AGBL1: variants seen among roughly 807,000 people sequenced by gnomAD.
The protein encoded by AGBL1 is AGBL carboxypeptidase 1.
Under a neutral mutation model 118.9 loss-of-function variants are expected in AGBL1, and 130 were observed. That is an observed-to-expected ratio of 1.09 (90% CI 0.95 to 1.26). The LOEUF (loss-of-function observed/expected upper bound fraction) is 1.26. Among genes scored for constraint, AGBL1 ranks in the 50% most tolerant of loss-of-function variants. The pLI is 0.00. For missense variants in AGBL1, 1,584 were observed against 1,298.1 expected (o/e 1.22, Z -3.38); for synonymous variants, 555 against 478.9 (o/e 1.16, Z -2.08).
chr15:86,967,758 A>G (rs139891032), intron 23 of AGBL1, among the ~76,000 whole-genome samples: 6,381 of 152,100 alleles, frequency 0.042, 165 homozygotes, highest in Middle Eastern at 0.071. Context: ...GTTACGTAGC[A>G]TGATGCCTCC....
intron 22 of AGBL1, among the ~76,000 whole-genome samples, chr15:86,776,407 G>A (rs577663945): frequency 1.3e-5 from 2 of 152,132 alleles, no homozygotes; most frequent in South Asian, 4.2e-4. Context: ...GATTAGTGAG[G>A]TTGAGCTCAA....
At chr15:86,852,055 G>A (rs986507487) in intron 22 of AGBL1, among the ~76,000 whole-genome samples, 2 of 152,126 alleles carry the variant, frequency 1.3e-5, no homozygotes, top group Non-Finnish European at 2.9e-5. Context: ...GATGGTCCAT[G>A]TATTCATCCG....
At chr15:86,177,424 A>T (rs2077496210) in intron 5 of AGBL1, among the ~76,000 whole-genome samples, 1 of 152,218 alleles carries the variant, frequency 6.6e-6, no homozygotes, top group South Asian at 2.1e-4. Flanking sequence ...AGATGATTTA[A>T]ATAACACTAT....
intron 17 of AGBL1, among the ~76,000 whole-genome samples, chr15:86,323,416 GA>G (rs5814236): frequency 0.63 from 94,921 of 149,756 alleles, 30,622 homozygotes; most frequent in African/African-American, 0.76. Flanking sequence ...GTCATATTTT[GA>G]AAAAAAAAAA....
At chr15:86,219,043 A>C (rs531338719) in intron 5 of AGBL1, among the ~76,000 whole-genome samples, 3 of 152,356 alleles carry the variant, frequency 2.0e-5, no homozygotes, top group Non-Finnish European at 4.4e-5. Context: ...TATGGGTGGC[A>C]TTGCTATATC....
intron 22 of AGBL1, among the ~76,000 whole-genome samples, chr15:86,796,331 C>T (rs1428827781): frequency 6.6e-6 from 1 of 152,168 alleles, no homozygotes; most frequent in African/African-American, 2.4e-5. Flanking sequence ...TCATTTCTGT[C>T]ACAAAGGATT....
chr15:86,966,627 C>T (rs1328299319), intron 23 of AGBL1, among the ~76,000 whole-genome samples: 1 of 152,090 alleles, frequency 6.6e-6, no homozygotes, highest in Non-Finnish European at 1.5e-5. Flanking sequence ...TTTCCAGCTT[C>T]ATCCATGTCC....
intron 22 of AGBL1, among the ~76,000 whole-genome samples, chr15:86,813,379 T>C (rs1288674589): frequency 6.6e-6 from 1 of 152,208 alleles, no homozygotes; most frequent in African/African-American, 2.4e-5. Context: ...AGAAATATTC[T>C]TAATAACATT....
At chr15:86,739,705 A>G (rs982742710) in intron 22 of AGBL1, among the ~76,000 whole-genome samples, 10 of 152,174 alleles carry the variant, frequency 6.6e-5, no homozygotes, top group Non-Finnish European at 1.3e-4. Flanking sequence ...AGGAAATGGC[A>G]GCAACTATCA....
At chr15:86,250,130 C>A (rs191582266) in intron 7 of AGBL1, among the ~76,000 whole-genome samples, 1 of 152,252 alleles carries the variant, frequency 6.6e-6, no homozygotes, top group East Asian at 1.9e-4. Flanking sequence ...TAGGCCATGA[C>A]ACATCTGTCA....
At chr15:86,771,413 C>A (rs1241974454) in intron 22 of AGBL1, among the ~76,000 whole-genome samples, 3 of 151,698 alleles carry the variant, frequency 2.0e-5, no homozygotes, top group African/African-American at 7.3e-5. Context: ...TTGCTCTTTC[C>A]AATGCGCTTA....
intron 19 of AGBL1, among the ~76,000 whole-genome samples, chr15:86,535,824 G>A (rs190312599): frequency 6.8e-4 from 104 of 152,250 alleles, no homozygotes; most frequent in Admixed American, 1.9e-3. Context: ...AACCCTTGTC[G>A]CCAAGGGCCT....
intron 1 of AGBL1, among the ~76,000 whole-genome samples, chr15:86,109,461 T>C (rs988476631): frequency 6.6e-6 from 1 of 152,212 alleles, no homozygotes; most frequent in Non-Finnish European, 1.5e-5. Flanking sequence ...CTGGCTGAAT[T>C]TTCTTTGATT....
chr15:86,261,299 G>T (rs1387860137), intron 9 of AGBL1, among the ~76,000 whole-genome samples: 1 of 152,162 alleles, frequency 6.6e-6, no homozygotes, highest in Non-Finnish European at 1.5e-5. Context: ...CTGGGCCATG[G>T]CTGAGGTTGC....
chr15:86,505,233 C>G (rs1038566917), intron 18 of AGBL1, among the ~76,000 whole-genome samples: 6 of 151,438 alleles, frequency 4.0e-5, no homozygotes, highest in South Asian at 4.2e-4. Context: ...AGGTGTGGAC[C>G]CTGAGTTTAT....
chr15:86,265,341 G>C (rs2079054813), intron 11 of AGBL1, among the ~76,000 whole-genome samples: 1 of 152,194 alleles, frequency 6.6e-6, no homozygotes, highest in Non-Finnish European at 1.5e-5. Flanking sequence ...GCCTCACAGA[G>C]CTGGCGGGGA....
chr15:86,082,051 G>T (rs1210942864), intron 1 of AGBL1, among the ~76,000 whole-genome samples: 1 of 152,220 alleles, frequency 6.6e-6, no homozygotes, highest in African/African-American at 2.4e-5. Context: ...TTACTCCTCA[G>T]TTGATCAGAG....
chr15:86,964,873 C>A (rs2081033541), intron 23 of AGBL1, among the ~76,000 whole-genome samples: 1 of 152,008 alleles, frequency 6.6e-6, no homozygotes, highest in Non-Finnish European at 1.5e-5. Flanking sequence ...TGAGTGACAA[C>A]ATGCAGTGTT....
chr15:86,953,731 T>C (rs1471477029), intron 23 of AGBL1, among the ~76,000 whole-genome samples: 1 of 152,150 alleles, frequency 6.6e-6, no homozygotes, highest in African/African-American at 2.4e-5. Context: ...CTAGACATTA[T>C]TGGTGTTTAG....
Sources: allele counts gnomAD v4.1 joint callset (sites outside exome capture counted in the v4.1 genomes callset), GRCh38; gene constraint gnomAD v4.1.1; transcripts MANE v1.5; gene names NCBI Gene and HGNC (gene_info 2026-07-23, HGNC 2026-07-21).